Variants in ANXA5 observed in about 807,000 individuals in gnomAD.
ANXA5 encodes CBP-I.
ANXA5 carries 40 observed loss-of-function variants against 48.1 expected under a neutral mutation model. That is an observed-to-expected ratio of 0.83 (90% confidence interval 0.65 to 1.08). The LOEUF (loss-of-function observed/expected upper bound fraction) is 1.08, where lower values mean the gene tolerates loss of function less well. Ranked by LOEUF, ANXA5 falls within the 50% of genes least tolerant of loss-of-function variation. The probability of loss-of-function intolerance (pLI) is 0.00; values close to 1 mark genes in which losing one functional copy is unlikely to be tolerated. For synonymous variants in ANXA5, 113 were observed against 129.1 expected, an observed-to-expected ratio of 0.88 and a Z score of 0.85; for missense variants, 357 against 376.8, an observed-to-expected ratio of 0.95 and a Z score of 0.44.
chr4:121,670,355 A>T (rs1178940988), intron 10 of ANXA5, among the ~76,000 whole-genome samples: 1 of 152,232 alleles, frequency 6.6e-6, no homozygotes, highest in Non-Finnish European at 1.5e-5. Context: ...CATCACCAAT[A>T]AATTACACAA....
At chr4:121,670,056 G>A (rs761747760) in intron 10 of ANXA5, 44 bp from the exon 11 acceptor site, 1 of 1,387,306 alleles carries the variant, frequency 7.2e-7, no homozygotes, top group Non-Finnish European at 1.0e-6. Flanking sequence ...ATTTTGATAT[G>A]TAAAGGATTA....
At chr4:121,669,468 T>C in intron 12 of ANXA5, 134 bp downstream of exon 12, 1 of 1,090,056 alleles carries the variant, frequency 9.2e-7, no homozygotes, top group Non-Finnish European at 1.3e-6. Flanking sequence ...CTAAGCTTTT[T>C]AACTCATTGC....
intron 3 of ANXA5, among the ~76,000 whole-genome samples, chr4:121,685,111 T>C (rs1724863453): frequency 1.3e-5 from 2 of 151,452 alleles, no homozygotes; most frequent in South Asian, 4.2e-4. Flanking sequence ...CACATATATA[T>C]AAATGTTTTA....
At position 121,674,377 on chromosome 4, in the gene ANXA5, G is replaced by T. The variant is rs114026504; in HGVS notation, c.532-1751C>A. On this transcript the variant is annotated intron_variant, in intron 8 of 12. Transcript: ENST00000296511. Reference sequence around the variant, plus strand: ...GAAAGAGAAAGGAAAGAAAAGAAAAGTTGCTATTTAATATCAATTTCCTGA... The same window carrying T: ...GAAAGAGAAAGGAAAGAAAAGAAAATTTGCTATTTAATATCAATTTCCTGA... Among the ~76,000 whole-genome samples, 442 of 152,088 alleles carry T rather than the reference G, an allele frequency of 2.9e-3. 2 individuals carry two copies. Among genetic ancestry groups the T allele is most frequent in the African/African-American group, 0.01 (428 of 41,486 alleles).
intron 8 of ANXA5, among the ~76,000 whole-genome samples, chr4:121,676,364 A>G (rs1167964037): frequency 6.6e-6 from 1 of 152,218 alleles, no homozygotes; most frequent in Non-Finnish European, 1.5e-5. Context: ...ATAGTGAAAT[A>G]TTAATATTCA....
chr4:121,670,566 T>C (rs185971451), intron 10 of ANXA5, among the ~76,000 whole-genome samples: 1 of 151,966 alleles, frequency 6.6e-6, no homozygotes, highest in Admixed American at 6.6e-5. Context: ...TCTCTGAACA[T>C]GTACATGTTG....
intron 2 of ANXA5, among the ~76,000 whole-genome samples, chr4:121,687,756 G>C (rs75302794): frequency 6.6e-6 from 1 of 152,168 alleles, no homozygotes; most frequent in South Asian, 2.1e-4. Context: ...TCCTGAAAAA[G>C]TGGCACTCAT....
Position 121,668,477 on chromosome 4 carries a change from T to A in ANXA5, c.954A>T (p.Glu318Asp). ...YKKALLLLCGEDD is the reference protein window; with the variant it reads ...YKKALLLLCGDDD ...TCTTCCCCGTGACACGTTAGTCATCTTCTCCACAGAGCAGCAGAAGAGCTT... is the reference window on the plus strand; with the variant it reads ...TCTTCCCCGTGACACGTTAGTCATCATCTCCACAGAGCAGCAGAAGAGCTT... Residue 318 changes from glutamate (E) to aspartate (D), a missense_variant, in exon 13 of 13, where the codon GAA becomes GAT. Glu to Asp is a conservative substitution (Grantham distance 45). Coordinates refer to ENST00000296511, the MANE Select transcript of ANXA5 (RefSeq NM_001154.4). The A allele has an allele frequency of 6.2e-7, 1 of 1,613,496 alleles. No homozygotes were observed.
At chr4:121,675,693 A>C (rs1385051838) in intron 8 of ANXA5, among the ~76,000 whole-genome samples, 1 of 152,222 alleles carries the variant, frequency 6.6e-6, no homozygotes, top group Non-Finnish European at 1.5e-5. Flanking sequence ...CATGACACGT[A>C]AGTGTCACCT....
intron 2 of ANXA5, among the ~76,000 whole-genome samples, chr4:121,694,115 GGA>G (rs1302810171): frequency 0.038 from 2,011 of 52,418 alleles, 121 homozygotes; most frequent in Middle Eastern, 0.055. Flanking sequence ...GGGGGAGGGG[GGA>G]GGGATAGCAT....
chr4:121,677,734 T>G (rs1724721518), intron 8 of ANXA5, among the ~76,000 whole-genome samples, 160 bp downstream of exon 8: 1 of 152,200 alleles, frequency 6.6e-6, no homozygotes. Flanking sequence ...CAGGTCAGAA[T>G]AAGAAAAAGC....
intron 2 of ANXA5, among the ~76,000 whole-genome samples, chr4:121,691,197 G>A (rs554434534): frequency 8.3e-4 from 126 of 152,030 alleles, no homozygotes; most frequent in Middle Eastern, 6.8e-3. Context: ...GATAATACTT[G>A]GCCAAAATAT....
intron 8 of ANXA5, among the ~76,000 whole-genome samples, chr4:121,675,880 G>A (rs1259482247): frequency 6.6e-6 from 1 of 152,230 alleles, no homozygotes; most frequent in Non-Finnish European, 1.5e-5. Context: ...AGTGCTCCAA[G>A]GACAGAAATC....
chr4:121,685,897 C>T lies in ANXA5; in HGVS notation c.94+391G>A, dbSNP rs1444525986. 4.6e-5 allele frequency among the ~76,000 whole-genome samples: 7 copies of T among 152,170 alleles called. No individual in the cohort carries two copies. In the East Asian group the frequency reaches 1.2e-3, roughly 25 times the overall value. On this transcript the variant is annotated intron_variant, in intron 3 of 12. Coordinates refer to ENST00000296511, the MANE Select transcript of ANXA5 (RefSeq NM_001154.4). ...TTAACTGCCTGTTCAGTTCTAGAGA[C>T]TGAATATTAGGGATGGTTTATAGCA...
intron 5 of ANXA5, among the ~76,000 whole-genome samples, chr4:121,682,199 CCT>C (rs1457310226): frequency 6.6e-6 from 1 of 151,972 alleles, no homozygotes; most frequent in African/African-American, 2.4e-5. Flanking sequence ...AAGATAAACC[CCT>C]GACCCCCAAG....
intron 2 of ANXA5, among the ~76,000 whole-genome samples, chr4:121,691,421 G>A (rs1049518967): frequency 6.6e-6 from 1 of 152,102 alleles, no homozygotes; most frequent in African/African-American, 2.4e-5. Context: ...GTTTAAAGAT[G>A]AGAAAGTATT....
chr4:121,684,371 T>G (rs917108012), intron 4 of ANXA5, among the ~76,000 whole-genome samples: 3 of 151,872 alleles, frequency 2.0e-5, no homozygotes, highest in African/African-American at 7.3e-5. Flanking sequence ...AGAAAATGGA[T>G]AGTAAGACAT....
At chr4:121,672,165 T>G (rs1375462162) in intron 9 of ANXA5, among the ~76,000 whole-genome samples, 1 of 152,184 alleles carries the variant, frequency 6.6e-6, no homozygotes, top group African/African-American at 2.4e-5. Context: ...TGCACTAAAT[T>G]CATTCCCAAC....
At chr4:121,674,295 T>G (rs555113032) in intron 8 of ANXA5, among the ~76,000 whole-genome samples, 2,099 of 49,910 alleles carry the variant, frequency 0.042, 2 homozygotes, top group Middle Eastern at 0.12. Context: ...AAGGGGAGGG[T>G]AAGGAAATGG....
Sources: gnomAD v4.1 joint callset for allele counts (sites outside exome capture counted in the v4.1 genomes callset) on GRCh38, gnomAD v4.1.1 for gene constraint, MANE v1.5 for transcripts, NCBI Gene and HGNC (gene_info 2026-07-23, HGNC 2026-07-21) for gene names.